KCNMA1: variants seen among roughly 807,000 people sequenced by gnomAD.
The protein encoded by KCNMA1 is potassium calcium-activated channel subfamily M alpha 1.
KCNMA1 carries 29 observed loss-of-function variants against 140.0 expected under a neutral mutation model. That is an observed-to-expected ratio of 0.21 (90% CI 0.15 to 0.28). The LOEUF (loss-of-function observed/expected upper bound fraction) is 0.28. KCNMA1 is among the 10% of genes least tolerant of loss of function. The pLI is 1.00. For synonymous variants in KCNMA1, 612 were observed against 611.9 expected (o/e 1.00, Z 0.00); for missense variants, 880 against 1,602.2 (o/e 0.55, Z 7.70).
intron 2 of KCNMA1, among the ~76,000 whole-genome samples, chr10:77,291,728 C>G (rs186726766): frequency 2.0e-5 from 3 of 152,194 alleles, no homozygotes; most frequent in East Asian, 3.9e-4. Context: ...TATTTCCCAG[C>G]GTCTGGGGGA....
intron 12 of KCNMA1, among the ~76,000 whole-genome samples, chr10:77,080,658 G>C (rs1427491487): frequency 6.6e-6 from 1 of 152,144 alleles, no homozygotes; most frequent in African/African-American, 2.4e-5. Context: ...TGCGTACTGG[G>C]GAGTAGGGGG....
intron 14 of KCNMA1, among the ~76,000 whole-genome samples, chr10:77,065,850 G>A (rs1460677323): frequency 1.3e-5 from 2 of 152,156 alleles, no homozygotes; most frequent in South Asian, 2.1e-4. Context: ...AGACTCAACT[G>A]AGAAATTAAT....
intron 1 of KCNMA1, among the ~76,000 whole-genome samples, chr10:77,448,306 G>A (rs558164014): frequency 6.6e-6 from 1 of 152,232 alleles, no homozygotes; most frequent in African/African-American, 2.4e-5. Context: ...GCAGAAAAGG[G>A]CCAACATTTA....
intron 3 of KCNMA1, among the ~76,000 whole-genome samples, chr10:77,207,445 C>A (rs1245582905): frequency 6.6e-6 from 1 of 152,106 alleles, no homozygotes; most frequent in South Asian, 2.1e-4. Context: ...TAAAGAAAAT[C>A]GTAGTAGTGC....
intron 5 of KCNMA1, among the ~76,000 whole-genome samples, chr10:77,158,842 T>C (rs2154074157): frequency 6.6e-6 from 1 of 152,202 alleles, no homozygotes; most frequent in South Asian, 2.1e-4. Context: ...GAGGACTGTG[T>C]AGTTGTGGAT....
chr10:77,399,109 C>A (rs1271442885), intron 2 of KCNMA1, among the ~76,000 whole-genome samples: 1 of 152,152 alleles, frequency 6.6e-6, no homozygotes, highest in Non-Finnish European at 1.5e-5. Flanking sequence ...CTCTGAGCAG[C>A]CACCACTGAG....
chr10:77,102,860 C>G (rs1019025122), intron 9 of KCNMA1, among the ~76,000 whole-genome samples: 8 of 152,112 alleles, frequency 5.3e-5, no homozygotes, highest in African/African-American at 1.9e-4. Flanking sequence ...TTAGTTGTAC[C>G]CTTGCTCAGT....
At chr10:77,604,288 C>G (rs2083630150) in intron 1 of KCNMA1, among the ~76,000 whole-genome samples, 1 of 152,218 alleles carries the variant, frequency 6.6e-6, no homozygotes, top group Non-Finnish European at 1.5e-5. Flanking sequence ...GCAAAACCCA[C>G]AGTGGGCATA....
chr10:76,964,434 C>T lies in KCNMA1; in HGVS notation c.2360+5540G>A, dbSNP rs371941258. Among the ~76,000 whole-genome samples the T allele has an allele frequency of 1.4e-4, 21 of 152,212 alleles. No individual in the cohort carries two copies. In the East Asian group the frequency reaches 3.1e-3, roughly 23 times the overall value. On this transcript the variant is annotated intron_variant, in intron 20 of 27. Transcript: ENST00000286628. ...ACAAGATGCTCTTGACACAAGAGGG[C>T]AAGGTCATGACCATCTGCTGAGCAT...
intron 19 of KCNMA1, among the ~76,000 whole-genome samples, chr10:76,983,368 G>C (rs997904637): frequency 1.3e-5 from 2 of 152,140 alleles, no homozygotes; most frequent in Non-Finnish European, 2.9e-5. Flanking sequence ...ACTCAAAAGA[G>C]AGAAATCCTA....
chr10:76,995,850 G>A (rs2084138011), intron 19 of KCNMA1: 1 of 367,190 alleles, frequency 2.7e-6, no homozygotes, highest in Non-Finnish European at 5.4e-6. Flanking sequence ...GTGTCCCTGG[G>A]AAGAAAGGTG....
At chr10:77,424,587 C>T (rs1404393087) in intron 1 of KCNMA1, among the ~76,000 whole-genome samples, 2 of 144,076 alleles carry the variant, frequency 1.4e-5, no homozygotes, top group Admixed American at 1.4e-4. Flanking sequence ...GGTTCTCAGA[C>T]AAAAAAAAAA....
intron 1 of KCNMA1, among the ~76,000 whole-genome samples, chr10:77,579,528 T>C (rs1403982999): frequency 6.6e-6 from 1 of 152,198 alleles, no homozygotes; most frequent in Non-Finnish European, 1.5e-5. Context: ...ATGTCGAAAA[T>C]ATAATGTGTC....
intron 1 of KCNMA1, among the ~76,000 whole-genome samples, chr10:77,613,363 C>G (rs1567871724): frequency 6.6e-6 from 1 of 152,190 alleles, no homozygotes; most frequent in Non-Finnish European, 1.5e-5. Flanking sequence ...CTCTGTGCCT[C>G]TCTCCAATAC....
intron 2 of KCNMA1, among the ~76,000 whole-genome samples, chr10:77,268,451 C>G (rs1436906045): frequency 6.6e-6 from 1 of 151,908 alleles, no homozygotes; most frequent in Non-Finnish European, 1.5e-5. Flanking sequence ...TTTTTTAAGG[C>G]CTTGTCTGGC....
chr10:77,193,491 C>T lies in KCNMA1; in HGVS notation c.603-8575G>A, dbSNP rs1311271069. Among the ~76,000 whole-genome samples the T allele has an allele frequency of 2.6e-5, 4 of 151,906 alleles. No individual in the cohort carries two copies. In the South Asian group the frequency reaches 6.3e-4, roughly 24 times the overall value. ...CTAGCCATCCCTTTTTTTTAGGGAA[C>T]CCTTATTTATCTAGAAAAGGAATGG... On this transcript the variant is annotated intron_variant, in intron 3 of 27. Transcript: ENST00000286628.
At chr10:77,367,087 T>C (rs1265928980) in intron 2 of KCNMA1, among the ~76,000 whole-genome samples, 3 of 152,136 alleles carry the variant, frequency 2.0e-5, no homozygotes, top group Non-Finnish European at 2.9e-5. Context: ...CATTAGAAGG[T>C]GCACCCTCAT....
chr10:77,372,990 G>A (rs1439173627), intron 2 of KCNMA1: 2 of 152,184 alleles, frequency 1.3e-5, no homozygotes, highest in Non-Finnish European at 2.9e-5. Flanking sequence ...CAACTAAATA[G>A]CCAGATTATG....
chr10:77,393,361 C>T (rs1412361740), intron 2 of KCNMA1, among the ~76,000 whole-genome samples: 1 of 152,226 alleles, frequency 6.6e-6, no homozygotes, highest in Admixed American at 6.5e-5. Flanking sequence ...TCCTCCATGA[C>T]ATGGTGACCG....
Sources: allele counts gnomAD v4.1 joint callset (sites outside exome capture counted in the v4.1 genomes callset), GRCh38; gene constraint gnomAD v4.1.1; transcripts MANE v1.5; gene names NCBI Gene and HGNC (gene_info 2026-07-23, HGNC 2026-07-21).